Variants in SPTLC3 observed in about 807,000 individuals in gnomAD.
The protein encoded by SPTLC3 is serine palmitoyltransferase long chain base subunit 3.
Under a neutral mutation model 59.3 loss-of-function variants are expected in SPTLC3, and 36 were observed. The observed-to-expected ratio is 0.61, with a 90% CI of 0.47 to 0.80. The LOEUF (loss-of-function observed/expected upper bound fraction) is 0.80, where lower values mean the gene tolerates loss of function less well. Ranked by LOEUF, SPTLC3 falls within the 30% of genes least tolerant of loss-of-function variation. The probability of loss-of-function intolerance (pLI) is 0.00; values close to 1 mark genes in which losing one functional copy is unlikely to be tolerated. For missense variants in SPTLC3, 625 were observed against 685.1 expected (o/e 0.91, Z 0.98); for synonymous variants, 257 against 240.8 (o/e 1.07, Z -0.62).
At chr20:13,016,000 G>A (rs928479009) in intron 1 of SPTLC3, among the ~76,000 whole-genome samples, 15 of 151,670 alleles carry the variant, frequency 9.9e-5, no homozygotes, top group Admixed American at 9.2e-4. Flanking sequence ...TAACCAAAAG[G>A]CAAATTACAG....
chr20:13,136,910 A>G (rs1286237331), intron 9 of SPTLC3, among the ~76,000 whole-genome samples: 2 of 152,034 alleles, frequency 1.3e-5, no homozygotes, highest in Non-Finnish European at 2.9e-5. Flanking sequence ...GATATTATCA[A>G]TTAAACAGAT....
At chr20:13,035,572 A>G (rs936562195) in intron 1 of SPTLC3, among the ~76,000 whole-genome samples, 2 of 152,190 alleles carry the variant, frequency 1.3e-5, no homozygotes, top group African/African-American at 4.8e-5. Context: ...GTGTCCAAAT[A>G]AACGTATCAA....
At chr20:13,021,537 A>G (rs1431600803) in intron 1 of SPTLC3, among the ~76,000 whole-genome samples, 1 of 25,422 alleles carries the variant, frequency 3.9e-5, no homozygotes, top group Non-Finnish European at 7.8e-5. Flanking sequence ...TCCCCCCACC[A>G]CAACAGCCCC....
At chr20:13,037,822 T>C (rs995630471) in intron 1 of SPTLC3, among the ~76,000 whole-genome samples, 5 of 152,112 alleles carry the variant, frequency 3.3e-5, no homozygotes, top group Non-Finnish European at 5.9e-5. Context: ...TAAAGTTCAT[T>C]GAAGATCAGG....
At chr20:13,163,739 C>T (rs1189718953) in intron 11 of SPTLC3, among the ~76,000 whole-genome samples, 30 of 152,012 alleles carry the variant, frequency 2.0e-4, no homozygotes, top group Admixed American at 2.0e-3. Flanking sequence ...ATTAGTCACC[C>T]ATTCTAACAT....
intron 4 of SPTLC3, among the ~76,000 whole-genome samples, chr20:13,076,146 A>C (rs1988638242): frequency 6.6e-6 from 1 of 152,224 alleles, no homozygotes; most frequent in African/African-American, 2.4e-5. Flanking sequence ...CTCAAAGAGA[A>C]GCCACCGTCA....
chr20:13,021,452 C>G (rs886266748), intron 1 of SPTLC3, among the ~76,000 whole-genome samples: 1 of 152,062 alleles, frequency 6.6e-6, no homozygotes, highest in Non-Finnish European at 1.5e-5. Context: ...TTCCCTTGCC[C>G]TGGGAAACAA....
intron 1 of SPTLC3, among the ~76,000 whole-genome samples, chr20:13,044,390 C>T (rs1445156591): frequency 6.6e-6 from 1 of 152,152 alleles, no homozygotes; most frequent in Non-Finnish European, 1.5e-5. Context: ...GCATGAGCCA[C>T]AGCGCCCAGC....
At chr20:13,155,037 T>C (rs1233645714) in intron 10 of SPTLC3, among the ~76,000 whole-genome samples, 4 of 151,730 alleles carry the variant, frequency 2.6e-5, no homozygotes, top group Admixed American at 2.6e-4. Flanking sequence ...AAAAATTAGG[T>C]GGGCATGGTG....
At chr20:13,095,346 A>G (rs542776773) in intron 6 of SPTLC3, among the ~76,000 whole-genome samples, 5 of 152,208 alleles carry the variant, frequency 3.3e-5, no homozygotes, top group African/African-American at 9.6e-5. Context: ...ATCAATGTAA[A>G]CCCCTTGTTT....
intron 2 of SPTLC3, among the ~76,000 whole-genome samples, chr20:13,066,349 C>T (rs1988210517): frequency 6.6e-6 from 1 of 152,144 alleles, no homozygotes; most frequent in South Asian, 2.1e-4. Context: ...GTTTTTGGCT[C>T]CTTTGTCGAA....
intron 4 of SPTLC3, among the ~76,000 whole-genome samples, chr20:13,081,102 G>GGACAGC (rs1988828665): frequency 6.6e-6 from 1 of 152,270 alleles, no homozygotes; most frequent in East Asian, 1.9e-4. Flanking sequence ...TTGGGCCGAA[G>GGACAGC]TTGAGGACAG....
intron 5 of SPTLC3, among the ~76,000 whole-genome samples, chr20:13,092,792 C>CA (rs1385594274): frequency 6.6e-6 from 1 of 152,074 alleles, no homozygotes; most frequent in African/African-American, 2.4e-5. Context: ...TGGAAGACCA[C>CA]AAAAGACAAA....
At chr20:13,164,655 G>C (rs2123018745) in intron 11 of SPTLC3, 99 bp from the exon 12 acceptor site, 1 of 847,216 alleles carries the variant, frequency 1.2e-6, no homozygotes, top group East Asian at 2.7e-5. Flanking sequence ...AGCAAACTAA[G>C]ACTGTGTGTC....
chr20:13,084,698 T>C (rs973941400), intron 4 of SPTLC3, among the ~76,000 whole-genome samples: 1 of 152,190 alleles, frequency 6.6e-6, no homozygotes, highest in African/African-American at 2.4e-5. Context: ...TAGCATCACG[T>C]TGGTACCTGT....
intron 4 of SPTLC3, among the ~76,000 whole-genome samples, chr20:13,081,642 A>G (rs1049386735): frequency 3.3e-5 from 5 of 152,200 alleles, no homozygotes; most frequent in Non-Finnish European, 7.3e-5. Flanking sequence ...AATTTTAATT[A>G]ACATATTTTT....
At position 13,099,832 on chromosome 20, in the gene SPTLC3, G is replaced by A. The variant is rs752512297; in HGVS notation, c.826+6255G>A. On this transcript the variant is annotated intron_variant, in intron 6 of 11. Transcript: ENST00000399002. ...CCACACAGATTGGACTGATAATACA[G>A]GGATTGTTTAGGATCTGCAGAAACT... Among the ~76,000 whole-genome samples the A allele has an allele frequency of 3.9e-5, 6 of 152,168 alleles. No individual in the cohort carries two copies. In the East Asian group the frequency reaches 1.2e-3, roughly 29 times the overall value.
intron 1 of SPTLC3, among the ~76,000 whole-genome samples, chr20:13,014,361 G>C (rs1313078057): frequency 6.6e-6 from 1 of 152,160 alleles, no homozygotes; most frequent in Non-Finnish European, 1.5e-5. Context: ...GCTTCAGAGA[G>C]GCATTTGACC....
chr20:13,075,138 A>G (rs77003592), intron 4 of SPTLC3, among the ~76,000 whole-genome samples: 32 of 151,004 alleles, frequency 2.1e-4, no homozygotes, highest in Admixed American at 6.6e-4. Flanking sequence ...TTTATTCAAA[A>G]AAAAAAAAAA....
Sources: gnomAD v4.1 joint callset for allele counts (sites outside exome capture counted in the v4.1 genomes callset) on GRCh38, gnomAD v4.1.1 for gene constraint, MANE v1.5 for transcripts, NCBI Gene and HGNC (gene_info 2026-07-23, HGNC 2026-07-21) for gene names.